PLB1: variants seen among roughly 807,000 people sequenced by gnomAD.
The protein encoded by PLB1 is phospholipase B1, membrane-associated.
PLB1 carries 242 observed loss-of-function variants against 227.4 expected under a neutral mutation model. The observed-to-expected ratio is 1.06, with a 90% confidence interval of 0.96 to 1.18. The LOEUF is 1.18. Among genes scored for constraint, PLB1 ranks in the 50% most tolerant of loss-of-function variants. PLB1 has a pLI of 0.00. For synonymous variants in PLB1, 757 were observed against 682.2 expected, an observed-to-expected ratio of 1.11 and a Z score of -1.71; for missense variants, 1,858 against 1,816.3, an observed-to-expected ratio of 1.02 and a Z score of -0.42.
chr2:28,564,680 T>TG, intron 18 of PLB1, among the ~76,000 whole-genome samples: 1 of 152,230 alleles, frequency 6.6e-6, no homozygotes, highest in South Asian at 2.1e-4. Context: ...GGATCACACC[T>TG]GGGGGGCCTC....
At chr2:28,638,791 G>C (rs62129782) in intron 56 of PLB1, among the ~76,000 whole-genome samples, 35,453 of 134,062 alleles carry the variant, frequency 0.26, 4,592 homozygotes, top group East Asian at 0.35. Context: ...GGATACAGAA[G>C]TTTGGAACTC....
intron 49 of PLB1, among the ~76,000 whole-genome samples, chr2:28,623,406 G>C (rs1032276687): frequency 6.6e-6 from 1 of 152,160 alleles, no homozygotes; most frequent in Non-Finnish European, 1.5e-5. Flanking sequence ...TCCTACCCAC[G>C]AGGGCTTATT....
At chr2:28,610,760 C>T (rs1339554448) in intron 43 of PLB1, among the ~76,000 whole-genome samples, 8 of 152,218 alleles carry the variant, frequency 5.3e-5, no homozygotes, top group Non-Finnish European at 7.3e-5. Flanking sequence ...CCTTGTCCCA[C>T]AGCCACTGAC....
intron 1 of PLB1, among the ~76,000 whole-genome samples, chr2:28,514,563 ATAAAT>A (rs1668630504): frequency 6.6e-6 from 1 of 152,352 alleles, no homozygotes; most frequent in East Asian, 1.9e-4. Flanking sequence ...GTCACTATAA[ATAAAT>A]TTAATTTGTT....
chr2:28,548,438 A>G (rs904385790), intron 14 of PLB1: 2 of 395,032 alleles, frequency 5.1e-6, no homozygotes, highest in Admixed American at 3.0e-5. Flanking sequence ...CCACGTGATC[A>G]GAAAGCTGTG....
intron 56 of PLB1, among the ~76,000 whole-genome samples, chr2:28,634,874 G>A (rs1337746576): frequency 4.0e-5 from 6 of 151,856 alleles, no homozygotes; most frequent in Non-Finnish European, 5.9e-5. Flanking sequence ...TGGCACCACC[G>A]CACTCCAGCC....
chr2:28,535,114 G>A (rs1192069486), intron 9 of PLB1, among the ~76,000 whole-genome samples: 1 of 152,164 alleles, frequency 6.6e-6, no homozygotes, highest in African/African-American at 2.4e-5. Flanking sequence ...TCATGTTGAT[G>A]ACATATGAAT....
intron 29 of PLB1, 120 bp from the exon 30 acceptor site, chr2:28,591,013 G>A: frequency 7.9e-7 from 1 of 1,269,686 alleles, no homozygotes; most frequent in Non-Finnish European, 1.1e-6. Flanking sequence ...TAGAGGCTGG[G>A]CTTGGGACAC....
In PLB1 at chr2:28,500,563, G is replaced by A. The variant is rs1473198323; in HGVS notation, c.55+4394G>A. The stretch of plus-strand genomic sequence containing the variant: ...TCTTCCTTCTGCTATTGTCAGTTGG[G>A]TTTCCTCCATAAAAAAGAGATTCCC... On this transcript the variant is annotated intron_variant, in intron 1 of 57. Transcript: ENST00000327757. Among the ~76,000 whole-genome samples the A allele has an allele frequency of 3.3e-5, 5 of 151,848 alleles. No homozygotes were observed. The South Asian group carries it at 6.2e-4, about 19-fold the overall frequency.
rs201248672 is a variant in PLB1, at chr2:28,583,849, C to CAA, written c.1733+1356_1733+1357dup. 3.2e-3 allele frequency among the ~76,000 whole-genome samples: 466 copies of CAA among 144,740 alleles called. 1 individual carries two copies. The highest frequency in any genetic ancestry group is 0.018 in the Middle Eastern group (5 of 280). The allele number at this position is 144,740 out of a possible 152,430, so 95.0% of individuals were successfully genotyped here. ...TAGCCATAGGGTAATGCAAATATTC[C>CAA]AAAAAAAAAAAAATCTGAAATCTGA... On this transcript the variant is annotated intron_variant, in intron 25 of 57. Transcript: ENST00000327757.
intron 10 of PLB1, among the ~76,000 whole-genome samples, 179 bp from the exon 11 acceptor site, chr2:28,538,920 G>A (rs1462863602): frequency 6.6e-6 from 1 of 152,094 alleles, no homozygotes; most frequent in African/African-American, 2.4e-5. Flanking sequence ...CACAGATGCA[G>A]GGCTGGCAGC....
chr2:28,544,072 C>T (rs1371314086), intron 14 of PLB1, among the ~76,000 whole-genome samples: 2 of 152,240 alleles, frequency 1.3e-5, no homozygotes, highest in African/African-American at 4.8e-5. Flanking sequence ...GGATCCGTCT[C>T]CACAACTGAC....
chr2:28,592,555 A>G, intron 31 of PLB1, 106 bp from the exon 32 acceptor site: 3 of 1,099,696 alleles, frequency 2.7e-6, no homozygotes, highest in Non-Finnish European at 4.2e-6. Flanking sequence ...GCATGGCCCC[A>G]GTGCTCATGC....
At chr2:28,540,909 A>G (rs1346203237) in intron 12 of PLB1, among the ~76,000 whole-genome samples, 2 of 152,116 alleles carry the variant, frequency 1.3e-5, no homozygotes, top group Admixed American at 6.6e-5. Context: ...GGTGGCTCAC[A>G]CCTGTAATCC....
intron 33 of PLB1, among the ~76,000 whole-genome samples, chr2:28,597,082 T>C (rs1683060685): frequency 6.6e-6 from 1 of 151,972 alleles, no homozygotes; most frequent in Admixed American, 6.6e-5. Flanking sequence ...GCTAACACGG[T>C]GGAACCCCAT....
At chr2:28,571,337 C>T (rs1208149117) in intron 20 of PLB1, among the ~76,000 whole-genome samples, 1 of 151,684 alleles carries the variant, frequency 6.6e-6, no homozygotes, top group African/African-American at 2.4e-5. Flanking sequence ...ACATCTGACA[C>T]TCATGGATTA....
chr2:28,549,797 C>CA (rs1467648785), intron 15 of PLB1, among the ~76,000 whole-genome samples: 1 of 152,140 alleles, frequency 6.6e-6, no homozygotes, highest in Non-Finnish European at 1.5e-5. Context: ...GGGTAAAGAG[C>CA]AAGAGAGACT....
At chr2:28,575,818 T>C (rs570630895) in intron 21 of PLB1, among the ~76,000 whole-genome samples, 2 of 152,224 alleles carry the variant, frequency 1.3e-5, no homozygotes, top group Non-Finnish European at 2.9e-5. Context: ...CCCAAAGTGC[T>C]GGGATTACAG....
intron 18 of PLB1, among the ~76,000 whole-genome samples, chr2:28,563,588 G>A (rs1184857739): frequency 6.7e-6 from 1 of 149,420 alleles, no homozygotes; most frequent in Non-Finnish European, 1.5e-5. Flanking sequence ...GGGAGGGTGG[G>A]AAGACGGGAG....
Sources: gnomAD v4.1 joint callset for allele counts (sites outside exome capture counted in the v4.1 genomes callset) on GRCh38, gnomAD v4.1.1 for gene constraint, MANE v1.5 for transcripts, NCBI Gene and HGNC (gene_info 2026-07-23, HGNC 2026-07-21) for gene names.